APC2: variants seen among roughly 807,000 people sequenced by gnomAD.
The protein encoded by APC2 is APC regulator of Wnt signaling pathway 2, also known as adenomatous polyposis coli protein 2.
A neutral mutation model predicts 72.5 loss-of-function variants in APC2; 41 were observed. The ratio of observed to expected loss-of-function variants is 0.57; its 90% CI spans 0.44 to 0.73. The LOEUF (loss-of-function observed/expected upper bound fraction) is 0.73, where lower values mean the gene tolerates loss of function less well. APC2 is among the 30% of genes least tolerant of loss of function. The pLI is 0.00. For missense variants in APC2, 3,729 were observed against 3,403.4 expected (o/e 1.10, Z -2.38); for synonymous variants, 1,898 against 1,612.0 (o/e 1.18, Z -4.25).
rs1016191508 is a variant in APC2 at position 1,472,139 on chromosome 19, C to T, written c.*1926C>T. On this transcript the variant is annotated 3_prime_UTR_variant, in exon 15 of 15. Coordinates refer to ENST00000590469, the MANE Select transcript of APC2 (RefSeq NM_005883.3). ...GGGCGACCTCCTGCCTGCCAGGAGC[C>T]CCCTTTCAGGACACAGCGGGGGTCT... 3 of 152,286 alleles carry T rather than the reference C, an allele frequency of 2.0e-5. No homozygotes were observed. The highest frequency in any genetic ancestry group is 2.0e-4 in the Admixed American group (3 of 15,288). The allele number at this position is 152,286 out of a possible 1,614,324, so 9.4% of individuals were successfully genotyped here.
At chr19:1,465,046 A>G (rs964645059) in intron 14 of APC2, 109 bp from the exon 15 acceptor site, 12 of 1,267,522 alleles carry the variant, frequency 9.5e-6, no homozygotes, top group Non-Finnish European at 1.2e-5. Flanking sequence ...TCCAAGATCC[A>G]AACCTAACCA....
chr19:1,465,607 A>G lies in APC2; in HGVS notation c.2306A>G (p.Gln769Arg). The change falls in exon 15 of 15, where the codon CAA (glutamine) becomes CGA (arginine). Residue 769 changes from glutamine (Q) to arginine (R), a missense_variant. Physicochemically the swap from Gln to Arg is conservative, Grantham distance 43. Coordinates refer to ENST00000590469, the MANE Select transcript of APC2 (RefSeq NM_005883.3). ...CTGCGACACCTGGACGGCCTGGCCC[A>G]AGACTATGCTTCCGATTCGGGCTGC... is the stretch of plus-strand genomic sequence containing the variant. The part of the protein sequence containing the change: ...PPLRHLDGLA[Q>R]DYASDSGCFD... The G allele has an allele frequency of 6.3e-7, 1 of 1,596,884 alleles. No homozygotes were observed. Among genetic ancestry groups the G allele is most frequent in the South Asian group, 1.1e-5 (1 of 88,616 alleles).
intron 11 of APC2, 126 bp downstream of exon 11, chr19:1,460,446 G>A (rs956065233): frequency 2.1e-6 from 3 of 1,424,648 alleles, no homozygotes; most frequent in Non-Finnish European, 2.9e-6. Flanking sequence ...CCAACTTACA[G>A]ACGGGTAGAC....
Position 1,450,167 on chromosome 19 carries a change from G to T in APC2, c.-190G>T. On this transcript the variant is annotated 5_prime_UTR_variant, in exon 1 of 15. Coordinates refer to ENST00000590469, the MANE Select transcript of APC2 (RefSeq NM_005883.3). ...AGGAGCGGCAGCGCCGCCTGCCCAGGCCCGGACCGGGCTTTGTCCGCCCCG... is the reference window on the plus strand; with the variant it reads ...AGGAGCGGCAGCGCCGCCTGCCCAGTCCCGGACCGGGCTTTGTCCGCCCCG... 1 of 985,248 alleles carries T rather than the reference G, an allele frequency of 1.0e-6. No individual in the cohort carries two copies. The highest frequency in any genetic ancestry group is 1.1e-4 in the East Asian group (1 of 8,786). The allele number at this position is 985,248 out of a possible 1,614,324, so 61.0% of individuals were successfully genotyped here. A position where few individuals can be genotyped will look rare whatever the true frequency, so the allele number is the denominator to read the frequency against.
chr19:1,469,940 G>C lies in APC2; in HGVS notation c.6639G>C (p.Glu2213Asp), dbSNP rs756998773. ...CGTCCCCGAGCCTGGAGACCAGGGAGCCCCCCGGGGCCCCCGCCGGCGGCC... is the reference window on the plus strand; with the variant it reads ...CGTCCCCGAGCCTGGAGACCAGGGACCCCCCCGGGGCCCCCGCCGGCGGCC... ...SSTSPSLETR[E>D]PPGAPAGGQL... Residue 2213 changes from glutamate to aspartate, a missense_variant, in exon 15 of 15, where the codon GAG becomes GAC. By Grantham distance (45) the Glu-to-Asp change is conservative (BLOSUM62 2). Coordinates refer to ENST00000590469, the MANE Select transcript of APC2 (RefSeq NM_005883.3). 12 of 1,509,240 alleles carry C rather than the reference G, an allele frequency of 8.0e-6. No homozygotes were observed. Among genetic ancestry groups the C allele is most frequent in the Admixed American group, 4.2e-5 (2 of 47,226 alleles). The allele number at this position is 1,509,240 out of a possible 1,614,324, so 93.5% of individuals were successfully genotyped here. A position where few individuals can be genotyped will look rare whatever the true frequency, so the allele number is the denominator to read the frequency against.
At position 1,467,871 on chromosome 19, in the gene APC2, A is replaced by C; in HGVS notation, c.4570A>C (p.Thr1524Pro). Residue 1524 changes from threonine (T) to proline (P), a missense_variant, in exon 15 of 15, where the codon ACG (threonine) becomes CCG (proline). Thr to Pro is a conservative substitution (Grantham distance 38). Transcript: ENST00000590469. ...CGAGGAGCCCCCGGCGGCCGCGCCC[A>C]CGCCAACCCACCGGCGCACATCGGC... is the stretch of plus-strand genomic sequence containing the variant. ...SDEEPPAAAP[T>P]PTHRRTSAIP... 1 of 1,566,252 alleles carries C rather than the reference A, an allele frequency of 6.4e-7. No homozygotes were observed. Among genetic ancestry groups the C allele is most frequent in the Non-Finnish European group, 8.6e-7 (1 of 1,165,280 alleles).
At position 1,467,953 on chromosome 19, in the gene APC2, C is replaced by A. The variant is rs753606996; in HGVS notation, c.4652C>A (p.Pro1551Gln). Residue 1551 changes from proline to glutamine, a missense_variant, in exon 15 of 15, where the codon CCG becomes CAG. Transcript: ENST00000590469. The stretch of plus-strand genomic sequence containing the variant: ...CAGGGCCGGAAGGAGGCCCCTGCCC[C>A]GTCCAAGGCTGCACCAGCTGCCCCG... ...RPQGRKEAPA[P>Q]SKAAPAAPPP... 5 of 1,584,600 alleles carry A rather than the reference C, an allele frequency of 3.2e-6. No homozygotes were observed. The highest frequency in any genetic ancestry group is 3.4e-6 in the Non-Finnish European group (4 of 1,174,160).
intron 14 of APC2, among the ~76,000 whole-genome samples, chr19:1,464,675 C>T (rs1482114004): frequency 7.0e-6 from 1 of 141,976 alleles, no homozygotes; most frequent in Non-Finnish European, 1.5e-5. Flanking sequence ...GGTCTCTTGC[C>T]AGGCTGGAGT....
At position 1,467,841 on chromosome 19, in the gene APC2, T is replaced by C. The variant is rs1263239438; in HGVS notation, c.4540T>C (p.Ser1514Pro). Residue 1514 changes from serine to proline, a missense_variant, in exon 15 of 15, where the codon TCG (serine) becomes CCG (proline). Physicochemically the swap from Ser to Pro is moderately conservative, Grantham distance 74. Coordinates refer to ENST00000590469, the MANE Select transcript of APC2 (RefSeq NM_005883.3). ...CGTGTACTGCTTCTACGGCAACGAC[T>C]CGGACGAGGAGCCCCCGGCGGCCGC... ...EAVYCFYGND[S>P]DEEPPAAAPT... 4 of 1,531,430 alleles carry C rather than the reference T, an allele frequency of 2.6e-6. No homozygotes were observed. The highest frequency in any genetic ancestry group is 3.5e-6 in the Non-Finnish European group (4 of 1,147,192). 94.9% of individuals were successfully genotyped at this position (1,531,430 alleles called of 1,614,324 possible). A position where few individuals can be genotyped will look rare whatever the true frequency, so the allele number is the denominator to read the frequency against.
Position 1,466,597 on chromosome 19 carries a change from G to T in APC2, c.3296G>T (p.Gly1099Val). The change falls in exon 15 of 15, where the codon GGG becomes GTG. Residue 1099 changes from glycine to valine, a missense_variant. Gly to Val is a moderately radical substitution (Grantham distance 109). Transcript: ENST00000590469. ...DLDDSDSSLE[G>V]LEEAGPSEAE... ...GATGACAGTGACTCCTCCCTGGAGG[G>T]GCTGGAGGAGGCCGGCCCCAGCGAG... The T allele has an allele frequency of 6.4e-7, 1 of 1,553,250 alleles. No homozygotes were observed. Among genetic ancestry groups the T allele is most frequent in the Non-Finnish European group, 8.7e-7 (1 of 1,155,486 alleles).
Position 1,466,050 on chromosome 19 carries a change from G to A in APC2, c.2749G>A (p.Ala917Thr). The A allele has an allele frequency of 1.3e-6, 2 of 1,503,488 alleles. No homozygotes were observed. Among genetic ancestry groups the A allele is most frequent in the Non-Finnish European group, 1.8e-6 (2 of 1,137,518 alleles). The allele number at this position is 1,503,488 out of a possible 1,614,324, so 93.1% of individuals were successfully genotyped here. Residue 917 changes from alanine (A) to threonine (T), a missense_variant, in exon 15 of 15, where the codon GCG (alanine) becomes ACG (threonine). Transcript: ENST00000590469. ...SRAHPLLRLK[A>T]AHASLSNDSL... is the part of the protein sequence containing the mutation. ...GGCGCACCCGCTGCTGCGGCTCAAG[G>A]CGGCCCACGCCAGCCTCTCCAACGA... is the stretch of plus-strand genomic sequence containing the variant.
rs1050390948 is a variant in APC2 at position 1,452,082 on chromosome 19, C to A, written c.-18-902C>A. 1 of 139,150 alleles carries A rather than the reference C, an allele frequency of 7.2e-6. No individual in the cohort carries two copies. The highest frequency in any genetic ancestry group is 2.8e-5 in the African/African-American group (1 of 36,066). The allele number at this position is 139,150 out of a possible 1,614,324, so 8.6% of individuals were successfully genotyped here. On this transcript the variant is annotated intron_variant, in intron 1 of 14. Transcript: ENST00000590469. The surrounding 1 kb of genome is among the most constrained non-coding windows in gnomAD (Gnocchi z 5.1). ...GACAAAGGCGGAGGGAGGAGGCGAGCGCTGATGGGAAAGGAACAAAGAGGG... is the reference window on the plus strand; with the variant it reads ...GACAAAGGCGGAGGGAGGAGGCGAGAGCTGATGGGAAAGGAACAAAGAGGG...
intron 14 of APC2, among the ~76,000 whole-genome samples, chr19:1,463,946 G>A (rs1599150889): frequency 6.6e-6 from 1 of 151,584 alleles, no homozygotes; most frequent in Non-Finnish European, 1.5e-5. Context: ...AGGCCGAGGT[G>A]GGCGGATCAC....
rs1490018016 is a variant in APC2, at chr19:1,456,057, C to T, written c.640-19C>T. The T allele has an allele frequency of 1.3e-6, 2 of 1,545,652 alleles. No homozygotes were observed. The highest frequency in any genetic ancestry group is 1.7e-6 in the Non-Finnish European group (2 of 1,148,426). On this transcript the variant is annotated intron_variant, in intron 6 of 14. Coordinates refer to ENST00000590469, the MANE Select transcript of APC2 (RefSeq NM_005883.3). ...GGCGGGGTCAGCTCCAGCACTTGCCCTCGTGTGGTCCTGAGCAGATCCGCG... is the reference window on the plus strand; with the variant it reads ...GGCGGGGTCAGCTCCAGCACTTGCCTTCGTGTGGTCCTGAGCAGATCCGCG...
chr19:1,468,688 T>C lies in APC2; in HGVS notation c.5387T>C (p.Val1796Ala), dbSNP rs772471958. 3 of 1,554,960 alleles carry C rather than the reference T, an allele frequency of 1.9e-6. No homozygotes were observed. In the South Asian group the frequency reaches 3.5e-5, roughly 18 times the overall value. The change falls in exon 15 of 15, where the codon GTC becomes GCC. Residue 1796 changes from valine to alanine, a missense_variant. By Grantham distance (64) the Val-to-Ala change is moderately conservative. Coordinates refer to ENST00000590469, the MANE Select transcript of APC2 (RefSeq NM_005883.3). ...CTCCGGGGACGAACAGTGATCTACGTCCCCAGCCCGGCACCCCGTGCCCAG... is the reference window on the plus strand; with the variant it reads ...CTCCGGGGACGAACAGTGATCTACGCCCCCAGCCCGGCACCCCGTGCCCAG... Reference protein sequence around the residue: ...AVLRGRTVIYVPSPAPRAQPK... With the variant: ...AVLRGRTVIYAPSPAPRAQPK...
At chr19:1,464,929 G>A (rs1319673918) in intron 14 of APC2, among the ~76,000 whole-genome samples, 2 of 145,224 alleles carry the variant, frequency 1.4e-5, no homozygotes, top group Admixed American at 1.3e-4. Context: ...CACTGCACCC[G>A]GCCTACCTTT....
At chr19:1,446,958 G>C (rs574979174), upstream of APC2, among the ~76,000 whole-genome samples, 13 of 152,270 alleles carry the variant, frequency 8.5e-5, no homozygotes, top group South Asian at 2.3e-3. The surrounding 1 kb of genome is among the most constrained non-coding windows in gnomAD (Gnocchi z 6.1). Context: ...GTCACGCTTC[G>C]AGGCCGGAGC....
At chr19:1,456,531 C>A in intron 8 of APC2, 127 bp downstream of exon 8, 3 of 1,049,996 alleles carry the variant, frequency 2.9e-6, no homozygotes, top group Non-Finnish European at 4.0e-6. Flanking sequence ...TGTAGGAAGG[C>A]CCCTCTGGCG....
chr19:1,467,046 C>G lies in APC2; in HGVS notation c.3745C>G (p.Arg1249Gly), dbSNP rs766218735. ...RFLDIADCRE[R>G]CRLPSELDAG... ...CCTGGACATCGCCGACTGCCGGGAG[C>G]GCTGCCGGCTGCCATCTGAGCTGGA... The change falls in exon 15 of 15, where the codon CGC (arginine) becomes GGC (glycine). Residue 1249 changes from arginine (R) to glycine (G), a missense_variant. Arg to Gly is a moderately radical substitution (Grantham distance 125). Coordinates refer to ENST00000590469, the MANE Select transcript of APC2 (RefSeq NM_005883.3). 2.2e-5 allele frequency: 35 copies of G among 1,611,450 alleles called. No individual in the cohort carries two copies. Among genetic ancestry groups the G allele is most frequent in the Non-Finnish European group, 2.5e-5 (30 of 1,179,560 alleles).
Sources: allele counts gnomAD v4.1 joint callset (sites outside exome capture counted in the v4.1 genomes callset), GRCh38; gene constraint gnomAD v4.1.1; non-coding constraint Gnocchi (gnomAD v3.1); transcripts MANE v1.5; gene names NCBI Gene and HGNC (gene_info 2026-07-23, HGNC 2026-07-21).